Variants in ATP8B4 observed in about 807,000 individuals in gnomAD.
ATP8B4 encodes the protein ATPase phospholipid transporting 8B4 (putative).
In ATP8B4, 133 loss-of-function variants were observed where a neutral mutation model predicts 145.6. The observed-to-expected ratio is 0.91, with a 90% confidence interval of 0.79 to 1.05. The LOEUF is 1.05. Ranked by LOEUF, ATP8B4 falls within the 50% of genes least tolerant of loss-of-function variation. The probability of loss-of-function intolerance (pLI) is 0.00; values close to 1 mark genes in which losing one functional copy is unlikely to be tolerated. For missense variants in ATP8B4, 1,458 were observed against 1,425.2 expected (o/e 1.02, Z -0.37); for synonymous variants, 507 against 492.9 (o/e 1.03, Z -0.38).
intron 2 of ATP8B4, among the ~76,000 whole-genome samples, chr15:50,082,786 A>C (rs2054637344): frequency 6.6e-6 from 1 of 152,250 alleles, no homozygotes; most frequent in Non-Finnish European, 1.5e-5. Flanking sequence ...ATTACAAGCT[A>C]GATACTACAT....
intron 13 of ATP8B4, among the ~76,000 whole-genome samples, chr15:49,971,873 A>G (rs2045171157): frequency 6.6e-6 from 1 of 152,188 alleles, no homozygotes; most frequent in Admixed American, 6.5e-5. Context: ...AACCTACCCA[A>G]ATGCCCATCA....
In ATP8B4 at chr15:50,131,160, T is replaced by C. The variant is rs571328476; in HGVS notation, c.-42-24152A>G. ...CCCCCATGATTCAATTACCTCCACC[T>C]GATCTCTCCTTGACACATGGGGATT... is the stretch of plus-strand genomic sequence containing the variant. On this transcript the variant is annotated intron_variant, in intron 1 of 3. Coordinates refer to the ATP8B4 transcript ENST00000558829. Among the ~76,000 whole-genome samples, 52 of 152,294 alleles carry C rather than the reference T, an allele frequency of 3.4e-4. 1 individual carries two copies. The South Asian group carries it at 0.011, about 31-fold the overall frequency.
chr15:50,023,545 T>C (rs2049757539), intron 6 of ATP8B4, among the ~76,000 whole-genome samples: 3 of 152,140 alleles, frequency 2.0e-5, no homozygotes, highest in Admixed American at 1.3e-4. Context: ...TGTTGCTTAT[T>C]GTTTTCCTAT....
intron 14 of ATP8B4, among the ~76,000 whole-genome samples, chr15:49,957,675 A>G (rs1300386084): frequency 6.6e-6 from 1 of 152,084 alleles, no homozygotes; most frequent in African/African-American, 2.4e-5. Context: ...GAAGAATTGA[A>G]TGAGTCAAAA....
chr15:50,160,077 T>A (rs1366480654), intron 1 of ATP8B4, among the ~76,000 whole-genome samples: 1 of 146,856 alleles, frequency 6.8e-6, no homozygotes, highest in Non-Finnish European at 1.5e-5. Flanking sequence ...TCTCATTGCT[T>A]GTTATTGGTC....
intron 2 of ATP8B4, among the ~76,000 whole-genome samples, chr15:50,104,465 C>A (rs1237276072): frequency 6.6e-6 from 1 of 151,932 alleles, no homozygotes; most frequent in African/African-American, 2.4e-5. Context: ...AAATGGCCAA[C>A]AAATATATGA....
chr15:49,967,942 A>C (rs568011242), intron 13 of ATP8B4, among the ~76,000 whole-genome samples: 2 of 152,338 alleles, frequency 1.3e-5, no homozygotes, highest in Admixed American at 6.5e-5. Context: ...GAAACTCTAC[A>C]AGCCAGAAGA....
intron 9 of ATP8B4, among the ~76,000 whole-genome samples, chr15:49,996,428 T>A (rs888896211): frequency 1.3e-5 from 2 of 152,062 alleles, no homozygotes; most frequent in Non-Finnish European, 2.9e-5. Flanking sequence ...AAGGGTATTA[T>A]GGGATTGAAG....
chr15:50,093,968 T>C (rs1030801176), intron 2 of ATP8B4, among the ~76,000 whole-genome samples: 8 of 152,150 alleles, frequency 5.3e-5, no homozygotes, highest in Admixed American at 3.9e-4. Context: ...TCCAATAACG[T>C]AGCCTCAAAA....
intron 1 of ATP8B4, among the ~76,000 whole-genome samples, chr15:50,126,393 A>G (rs889573249): frequency 1.3e-5 from 2 of 152,204 alleles, no homozygotes; most frequent in African/African-American, 4.8e-5. Context: ...GAACAGACCC[A>G]GGAAATGTCC....
chr15:50,099,218 G>A (rs972851910), intron 2 of ATP8B4, among the ~76,000 whole-genome samples: 1 of 152,146 alleles, frequency 6.6e-6, no homozygotes, highest in African/African-American at 2.4e-5. Context: ...TCTGAATTAG[G>A]TATTTTACCC....
chr15:50,113,908 AC>A lies in ATP8B4; in HGVS notation c.-43+5214del, dbSNP rs1429438921. 8.7e-5 allele frequency among the ~76,000 whole-genome samples: 13 copies of A among 149,772 alleles called. No individual in the cohort carries two copies. In the South Asian group the frequency reaches 2.7e-3, roughly 31 times the overall value. On this transcript the variant is annotated intron_variant, in intron 1 of 27. Coordinates refer to ENST00000284509, the MANE Select transcript of ATP8B4 (RefSeq NM_024837.4). ...CTTGCAACTACAGGTATATGCAATT[AC>A]CGTGCCTCAACAATAAATTATTGTT...
intron 7 of ATP8B4, 47 bp from the exon 8 acceptor site, chr15:50,002,270 G>C: frequency 6.7e-7 from 1 of 1,485,994 alleles, no homozygotes; most frequent in Non-Finnish European, 9.3e-7. Context: ...AGTTAGATTG[G>C]TTGAAAGTCT....
intron 14 of ATP8B4, among the ~76,000 whole-genome samples, chr15:49,949,758 C>T (rs368624659): frequency 1.4e-4 from 22 of 152,108 alleles, no homozygotes; most frequent in Admixed American, 2.6e-4. Flanking sequence ...AAAGGGAATG[C>T]TTCCAGCTTT....
At chr15:49,901,266 C>T in intron 20 of ATP8B4, 27 bp from the exon 21 acceptor site, 1 of 1,606,524 alleles carries the variant, frequency 6.2e-7, no homozygotes, top group African/African-American at 1.3e-5. Context: ...AAAAGTGAAA[C>T]ATAACAAAGC....
At chr15:50,096,744 TG>T (rs1488155781) in intron 2 of ATP8B4, among the ~76,000 whole-genome samples, 2 of 152,200 alleles carry the variant, frequency 1.3e-5, no homozygotes, top group Non-Finnish European at 2.9e-5. Flanking sequence ...AGCATCTTTT[TG>T]CACAGAATTT....
At chr15:50,179,518 A>G (rs1363339074) in intron 1 of ATP8B4, among the ~76,000 whole-genome samples, 1 of 152,250 alleles carries the variant, frequency 6.6e-6, no homozygotes, top group African/African-American at 2.4e-5. Flanking sequence ...ATAAGATGGC[A>G]GCAATATTTC....
At chr15:50,181,017 A>G (rs1018830868) in intron 1 of ATP8B4, among the ~76,000 whole-genome samples, 1 of 152,198 alleles carries the variant, frequency 6.6e-6, no homozygotes. Context: ...GGGACCAAAC[A>G]GATACCATTT....
intron 7 of ATP8B4, among the ~76,000 whole-genome samples, chr15:50,006,792 C>T (rs1308573543): frequency 6.6e-6 from 1 of 152,152 alleles, no homozygotes; most frequent in Non-Finnish European, 1.5e-5. Flanking sequence ...CAAATATGCT[C>T]ATGCCAAGTA....
Sources: allele counts gnomAD v4.1 joint callset (sites outside exome capture counted in the v4.1 genomes callset), GRCh38; gene constraint gnomAD v4.1.1; transcripts MANE v1.5; gene names NCBI Gene and HGNC (gene_info 2026-07-23, HGNC 2026-07-21).